TENM2: variants seen among roughly 807,000 people sequenced by gnomAD.
TENM2 encodes the protein teneurin transmembrane protein 2.
Under a neutral mutation model 245.2 loss-of-function variants are expected in TENM2, and 52 were observed. The ratio of observed to expected loss-of-function variants is 0.21; its 90% CI spans 0.17 to 0.27. The LOEUF is 0.27. TENM2 is among the 10% of genes least tolerant of loss of function. The pLI, the probability that TENM2 is intolerant of heterozygous loss-of-function variation, is 1.00. For synonymous variants in TENM2, 1,363 were observed against 1,438.9 expected (o/e 0.95, Z 1.19); for missense variants, 3,046 against 3,666.8 (o/e 0.83, Z 4.37).
chr5:167,727,731 T>G lies in TENM2; in HGVS notation c.503-148255T>G, dbSNP rs192859322. On this transcript the variant is annotated intron_variant, in intron 2 of 28. Transcript: ENST00000518659. ...TCAAACTCCAGGAAAAAGTTATTTA[T>G]TTACTACAGCACCATTATGCAGATG... Among the ~76,000 whole-genome samples, 43 of 152,348 alleles carry G rather than the reference T, an allele frequency of 2.8e-4. 1 individual carries two copies. The highest frequency in any genetic ancestry group is 2.8e-3 in the Admixed American group (43 of 15,308).
chr5:167,506,122 C>T (rs531563719), intron 2 of TENM2, among the ~76,000 whole-genome samples: 1 of 152,258 alleles, frequency 6.6e-6, no homozygotes, highest in East Asian at 1.9e-4. Flanking sequence ...AACAGCATGG[C>T]AGTGGTTTGC....
chr5:167,352,910 C>A (rs1444521931), intron 1 of TENM2, among the ~76,000 whole-genome samples: 1 of 152,114 alleles, frequency 6.6e-6, no homozygotes, highest in Non-Finnish European at 1.5e-5. Flanking sequence ...CTCCCTGTCT[C>A]CAGAGAAAAA....
chr5:167,875,960 T>G, intron 2 of TENM2, 26 bp from the exon 5 acceptor site: 1 of 1,528,448 alleles, frequency 6.5e-7, no homozygotes, highest in Non-Finnish European at 8.9e-7. Context: ...ATTGCTGACC[T>G]TTGACCCCTC....
chr5:167,182,707 C>T, the TENM2 span, among the ~76,000 whole-genome samples: 1 of 152,066 alleles, frequency 6.6e-6, no homozygotes, highest in Non-Finnish European at 1.5e-5. Context: ...AAAATTTCCA[C>T]GTGTGCCTAC....
intron 9 of TENM2, 141 bp from the exon 12 acceptor site, chr5:168,118,151 C>T: frequency 1.8e-6 from 1 of 540,566 alleles, no homozygotes; most frequent in Non-Finnish European, 3.2e-6. Context: ...GGCAATGGTT[C>T]TGCACCTGCA....
At chr5:167,895,435 C>A (rs1775141698) in intron 3 of TENM2, among the ~76,000 whole-genome samples, 1 of 152,244 alleles carries the variant, frequency 6.6e-6, no homozygotes, top group Non-Finnish European at 1.5e-5. Flanking sequence ...ATGAGCCTCA[C>A]AGAGTTTAGC....
chr5:167,553,832 C>T (rs1364594554), intron 2 of TENM2, among the ~76,000 whole-genome samples: 1 of 152,172 alleles, frequency 6.6e-6, no homozygotes, highest in African/African-American at 2.4e-5. Flanking sequence ...TCCCCTCCTT[C>T]ACACAGACTT....
At chr5:167,634,522 A>G (rs1297523295) in intron 2 of TENM2, among the ~76,000 whole-genome samples, 2 of 150,346 alleles carry the variant, frequency 1.3e-5, no homozygotes, top group Non-Finnish European at 3.0e-5. Flanking sequence ...AAGTTAAATG[A>G]CTCAATCAAG....
At chr5:167,046,256 A>C in the TENM2 span, among the ~76,000 whole-genome samples, 1 of 152,110 alleles carries the variant, frequency 6.6e-6, no homozygotes, top group Non-Finnish European at 1.5e-5. Flanking sequence ...CAGAGATGTA[A>C]TGGGATTTTT....
intron 2 of TENM2, among the ~76,000 whole-genome samples, chr5:167,579,136 A>G (rs1323654992): frequency 6.6e-6 from 1 of 152,144 alleles, no homozygotes. Flanking sequence ...GGTGCTGCCC[A>G]TGACATTCAC....
intron 2 of TENM2, among the ~76,000 whole-genome samples, chr5:167,671,243 G>T (rs145667356): frequency 6.6e-6 from 1 of 152,094 alleles, no homozygotes; most frequent in South Asian, 2.1e-4. Flanking sequence ...CTATTTTGCT[G>T]TTGTATAATA....
the TENM2 span, among the ~76,000 whole-genome samples, chr5:166,993,848 C>T: frequency 6.6e-5 from 10 of 152,020 alleles, no homozygotes; most frequent in South Asian, 2.1e-4. Flanking sequence ...TCTAATAATC[C>T]GGCTCAAAGG....
At chr5:167,233,719 A>G in the TENM2 span, among the ~76,000 whole-genome samples, 1 of 152,206 alleles carries the variant, frequency 6.6e-6, no homozygotes, top group Non-Finnish European at 1.5e-5. Flanking sequence ...AGCCATTTAG[A>G]AAGAGTTGTT....
At chr5:167,420,033 C>T (rs144037402) in intron 2 of TENM2, among the ~76,000 whole-genome samples, 86 of 152,124 alleles carry the variant, frequency 5.7e-4, no homozygotes, top group African/African-American at 1.6e-3. Flanking sequence ...AAATAATAAA[C>T]GAAAAGAAGG....
At chr5:167,353,538 C>T (rs1378935773) in intron 1 of TENM2, among the ~76,000 whole-genome samples, 27 of 104,320 alleles carry the variant, frequency 2.6e-4, no homozygotes, top group African/African-American at 8.4e-4. Flanking sequence ...GACGGAGTCT[C>T]GCTCTGTCGC....
the TENM2 span, among the ~76,000 whole-genome samples, chr5:167,088,472 C>G: frequency 6.6e-6 from 1 of 151,806 alleles, no homozygotes; most frequent in Non-Finnish European, 1.5e-5. Flanking sequence ...ACTAAAAGTA[C>G]AAAAATTAGA....
chr5:167,195,921 A>G, the TENM2 span, among the ~76,000 whole-genome samples: 1 of 152,022 alleles, frequency 6.6e-6, no homozygotes, highest in African/African-American at 2.4e-5. Context: ...ATGTTTAAAT[A>G]TATTTGAAAT....
At chr5:167,913,134 G>A (rs1297550217) in intron 3 of TENM2, among the ~76,000 whole-genome samples, 2 of 152,140 alleles carry the variant, frequency 1.3e-5, no homozygotes, top group Non-Finnish European at 2.9e-5. Context: ...CCATGGGGGC[G>A]CTCACCCAAG....
the TENM2 span, among the ~76,000 whole-genome samples, chr5:167,101,847 A>AC: frequency 2.3e-3 from 221 of 95,128 alleles, 3 homozygotes; most frequent in South Asian, 0.011. Context: ...ATATATATAT[A>AC]TTTATATATA....
Sources: allele counts gnomAD v4.1 joint callset (sites outside exome capture counted in the v4.1 genomes callset), GRCh38; gene constraint gnomAD v4.1.1; transcripts MANE v1.5; gene names NCBI Gene and HGNC (gene_info 2026-07-23, HGNC 2026-07-21).